Variants in TPTE2 observed in about 807,000 individuals in gnomAD.
TPTE2 encodes phosphatidylinositol 3,4,5-trisphosphate 3-phosphatase TPTE2.
TPTE2 carries 53 observed loss-of-function variants against 78.6 expected under a neutral mutation model. The observed-to-expected ratio is 0.67, with a 90% CI of 0.54 to 0.85. TPTE2 has a LOEUF of 0.85. TPTE2 is among the 40% of genes least tolerant of loss of function. The pLI is 0.00. For missense variants in TPTE2, 461 were observed against 623.0 expected (o/e 0.74, Z 2.77); for synonymous variants, 175 against 206.2 (o/e 0.85, Z 1.30).
chr13:19,461,449 T>C (rs1296467408), intron 10 of TPTE2, among the ~76,000 whole-genome samples: 5 of 151,968 alleles, frequency 3.3e-5, no homozygotes, highest in African/African-American at 9.7e-5. Context: ...ACATCCTCTC[T>C]ACGTAAAAAT....
upstream of TPTE2, among the ~76,000 whole-genome samples, chr13:19,507,304 T>TTA (rs1555255240): frequency 4.7e-4 from 53 of 112,168 alleles, no homozygotes; most frequent in South Asian, 3.8e-3. Flanking sequence ...CTAGCTGTTC[T>TTA]AAAAAAAAAA....
chr13:19,561,306 TC>T, the TPTE2 span: 2 of 864,778 alleles, frequency 2.3e-6, no homozygotes, highest in African/African-American at 1.7e-5. Context: ...AGCATGCCGA[TC>T]CCAGGCACAC....
At chr13:19,490,113 A>T (rs1441986326) in intron 3 of TPTE2, among the ~76,000 whole-genome samples, 1 of 152,314 alleles carries the variant, frequency 6.6e-6, no homozygotes, top group East Asian at 1.9e-4. Context: ...GCCTTAACAA[A>T]CAATCTAATG....
At chr13:19,508,872 T>C (rs1869246712) in intron 1 of TPTE2, among the ~76,000 whole-genome samples, 1 of 151,974 alleles carries the variant, frequency 6.6e-6, no homozygotes, top group African/African-American at 2.4e-5. Flanking sequence ...AAAAGACCTA[T>C]GAGGGCACAA....
chr13:19,561,363 C>CTAA, the TPTE2 span: 1 of 510,462 alleles, frequency 2.0e-6, no homozygotes, highest in East Asian at 3.3e-5. Flanking sequence ...CAGGTCCACT[C>CTAA]TAATATTCCC....
chr13:19,550,170 A>AG, the TPTE2 span, among the ~76,000 whole-genome samples: 5 of 151,698 alleles, frequency 3.3e-5, no homozygotes, highest in South Asian at 8.4e-4. Flanking sequence ...TAAAAAAAAA[A>AG]TAGGAGGAAA....
chr13:19,427,821 C>G (rs1418508419), intron 17 of TPTE2, among the ~76,000 whole-genome samples: 1 of 152,170 alleles, frequency 6.6e-6, no homozygotes, highest in Admixed American at 6.5e-5. Context: ...TTGACTCATT[C>G]TCATAGAAAT....
At chr13:19,540,515 G>T (rs1396379243), upstream of TPTE2, among the ~76,000 whole-genome samples, 1 of 151,840 alleles carries the variant, frequency 6.6e-6, no homozygotes, top group Non-Finnish European at 1.5e-5. Context: ...ATGTTGGCCA[G>T]TCTGGTCTCG....
intron 1 of TPTE2, among the ~76,000 whole-genome samples, chr13:19,521,609 C>T (rs1175206554): frequency 2.0e-5 from 3 of 151,904 alleles, no homozygotes; most frequent in African/African-American, 7.2e-5. Context: ...TAGTTTTATA[C>T]TGTACAATTT....
chr13:19,511,280 G>A (rs1383437904), intron 1 of TPTE2, among the ~76,000 whole-genome samples: 1 of 152,140 alleles, frequency 6.6e-6, no homozygotes, highest in Non-Finnish European at 1.5e-5. Flanking sequence ...CAAAAGGTAT[G>A]CACAAGAAGA....
intron 1 of TPTE2, among the ~76,000 whole-genome samples, chr13:19,527,341 A>G (rs2137735024): frequency 6.6e-6 from 1 of 152,324 alleles, no homozygotes; most frequent in South Asian, 2.1e-4. Flanking sequence ...AGAAATGACA[A>G]ATACTCAAAG....
chr13:19,556,533 C>CACGCCCCCCG, the TPTE2 span, among the ~76,000 whole-genome samples: 1 of 151,966 alleles, frequency 6.6e-6, no homozygotes, highest in Admixed American at 6.6e-5. Flanking sequence ...CAACATTCTC[C>CACGCCCCCCG]CCCCCACCTT....
At position 19,428,215 on chromosome 13, in the gene TPTE2, G is replaced by A. The variant is rs186163568; in HGVS notation, c.1303-1698C>T. Among the ~76,000 whole-genome samples the A allele has an allele frequency of 4.2e-3, 638 of 152,306 alleles. 5 individuals are homozygous for A. The highest frequency in any genetic ancestry group is 0.026 in the South Asian group (126 of 4,830). On this transcript the variant is annotated intron_variant, in intron 17 of 19. Coordinates refer to ENST00000400230, the Ensembl canonical transcript of TPTE2. Reference sequence around the variant, plus strand: ...TGTAATCCCAGCACTTTGGGAGGTTGAGGTGGGCAGATCACCTGAGGTCGG... The same window carrying A: ...TGTAATCCCAGCACTTTGGGAGGTTAAGGTGGGCAGATCACCTGAGGTCGG...
rs868073299 is a variant in TPTE2 at position 19,438,606 on chromosome 13, G to A, written c.974-453C>T. ...AAAAATATACATATATTTTCAAAGT[G>A]AATTCAGCAATGTAGAAACACCATG... is the stretch of plus-strand genomic sequence containing the variant. On this transcript the variant is annotated intron_variant, in intron 13 of 19. Transcript: ENST00000400230. The A allele has an allele frequency of 1.4e-4, 27 of 194,892 alleles. 1 individual carries two copies. The highest frequency in any genetic ancestry group is 2.4e-3 in the Middle Eastern group (1 of 414). The allele number at this position is 194,892 out of a possible 1,614,324, so 12.1% of individuals were successfully genotyped here. A position where few individuals can be genotyped will look rare whatever the true frequency, so the allele number is the denominator to read the frequency against.
chr13:19,425,953 G>A (rs1011246365), intron 18 of TPTE2: 1 of 440,142 alleles, frequency 2.3e-6, no homozygotes, highest in African/African-American at 2.0e-5. Flanking sequence ...CAGCTACTCG[G>A]GAGGCTGAGG....
upstream of TPTE2, among the ~76,000 whole-genome samples, chr13:19,507,094 C>A (rs1235728492): frequency 6.6e-6 from 1 of 152,066 alleles, no homozygotes; most frequent in African/African-American, 2.4e-5. Context: ...TACACACACA[C>A]AACACCTTTT....
At chr13:19,493,330 T>TGGATGGAG (rs1555253869) in intron 2 of TPTE2, 118 bp downstream of exon 5, 2 of 682,366 alleles carry the variant, frequency 2.9e-6, no homozygotes, top group African/African-American at 2.7e-5. Context: ...GATGGATGGA[T>TGGATGGAG]GGATGGATGG....
chr13:19,509,858 G>A (rs145510323), intron 1 of TPTE2, among the ~76,000 whole-genome samples: 1 of 152,160 alleles, frequency 6.6e-6, no homozygotes, highest in Admixed American at 6.6e-5. Context: ...AAGGAAAAAG[G>A]ATGAACTGTT....
intron 1 of TPTE2, among the ~76,000 whole-genome samples, chr13:19,518,874 A>C (rs1334697861): frequency 1.3e-5 from 2 of 152,190 alleles, no homozygotes; most frequent in East Asian, 1.9e-4. Context: ...GAGATGGGTG[A>C]CTATAGAAAA....
Sources: gnomAD v4.1 joint callset for allele counts (sites outside exome capture counted in the v4.1 genomes callset) on GRCh38, gnomAD v4.1.1 for gene constraint, MANE v1.5 for transcripts, NCBI Gene and HGNC (gene_info 2026-07-23, HGNC 2026-07-21) for gene names.